The following POLR1C variants were observed in gnomAD, a reference collection of about 807,000 sequenced individuals.
POLR1C encodes the protein RNA polymerase I and III subunit C.
A neutral mutation model predicts 38.3 loss-of-function variants in POLR1C; 42 were observed. The ratio of observed to expected loss-of-function variants is 1.10; its 90% CI spans 0.86 to 1.42. The LOEUF is 1.42. Among genes scored for constraint, POLR1C ranks in the 40% most tolerant of loss-of-function variants. The probability of loss-of-function intolerance (pLI) is 0.00; values close to 1 mark genes in which losing one functional copy is unlikely to be tolerated. For synonymous variants in POLR1C, 163 were observed against 163.9 expected, an observed-to-expected ratio of 0.99 and a Z score of 0.04; for missense variants, 507 against 450.5, an observed-to-expected ratio of 1.13 and a Z score of -1.14.
At chr6:43,526,337 A>G (rs1475450831), downstream of POLR1C, 1 of 389,826 alleles carries the variant, frequency 2.6e-6, no homozygotes, top group African/African-American at 2.0e-5. Flanking sequence ...GGGTAGTGAC[A>G]ACTGCTATGA....
intron 9 of POLR1C, among the ~76,000 whole-genome samples, chr6:43,542,079 G>T: frequency 6.6e-6 from 1 of 152,098 alleles, no homozygotes; most frequent in Non-Finnish European, 1.5e-5. Context: ...CACCGCACCC[G>T]GCCGATTTTA....
intron 9 of POLR1C, among the ~76,000 whole-genome samples, chr6:43,535,853 T>A (rs901244893): frequency 6.9e-6 from 1 of 145,748 alleles, no homozygotes; most frequent in African/African-American, 2.6e-5. Flanking sequence ...CCGGGCGCAG[T>A]GGCTCACGCC....
At chr6:43,543,170 A>G (rs1196068569) in intron 9 of POLR1C, among the ~76,000 whole-genome samples, 1 of 152,208 alleles carries the variant, frequency 6.6e-6, no homozygotes, top group Admixed American at 6.5e-5. Context: ...AAAATGTTAA[A>G]AGTCAGAATA....
Position 43,521,426 on chromosome 6 carries a change from A to T in POLR1C, c.*126A>T. The T allele has an allele frequency of 6.4e-7, 1 of 1,567,530 alleles. No homozygotes were observed. The highest frequency in any genetic ancestry group is 2.3e-5 in the East Asian group (1 of 43,578). On this transcript the variant is annotated 3_prime_UTR_variant, in exon 9 of 9. Transcript: ENST00000642195. ...TTCTGGGACAATTCCAGCTTTAATC[A>T]ATACATTTTGTTAAATGTGCCATAA...
chr6:43,520,333 G>A lies in POLR1C; in HGVS notation c.561G>A (p.Glu187=), dbSNP rs145813943. Residue 187 remains glutamate (E), a synonymous_variant, in exon 6 of 9, where the codon GAG becomes GAA. Coordinates refer to ENST00000642195, the MANE Select transcript of POLR1C (RefSeq NM_203290.4). ...GGAACCAGGCTGATCTCTTTCCAGA[G>A]GGCACTATCCGACCAGTGCATGATG... ...PLGNQADLFP[E]GTIRPVHDDI... The A allele has an allele frequency of 8.2e-5, 132 of 1,613,398 alleles. No homozygotes were observed. The African/African-American group carries it at 1.6e-3, about 20-fold the overall frequency.
intron 9 of POLR1C, among the ~76,000 whole-genome samples, chr6:43,538,368 C>T (rs1794483152): frequency 6.6e-6 from 1 of 151,814 alleles, no homozygotes. Flanking sequence ...CCAGGTTGGT[C>T]TCAAACTCTT....
intron 10 of POLR1C, among the ~76,000 whole-genome samples, chr6:43,552,361 CTTTTT>C (rs950632028): frequency 1.3e-5 from 2 of 150,986 alleles, no homozygotes; most frequent in African/African-American, 4.9e-5. Flanking sequence ...CCACCCTTTT[CTTTTT>C]TTTTAAGACA....
chr6:43,523,732 G>T, downstream of POLR1C: 1 of 1,423,738 alleles, frequency 7.0e-7, no homozygotes, highest in Non-Finnish European at 9.9e-7. Context: ...GTTCTCTCCA[G>T]CTCCAGACCT....
intron 8 of POLR1C, chr6:43,528,193 T>G: frequency 2.5e-6 from 4 of 1,593,792 alleles, no homozygotes; most frequent in Non-Finnish European, 2.6e-6. Context: ...ACTTGCCATT[T>G]CTGAGAAAGC....
At chr6:43,539,806 T>A (rs1794590387) in intron 9 of POLR1C, 1 of 550,004 alleles carries the variant, frequency 1.8e-6, no homozygotes, top group South Asian at 2.7e-5. Flanking sequence ...AACTCCCATG[T>A]AAAATCATTT....
intron 8 of POLR1C, chr6:43,528,070 G>A: frequency 7.5e-7 from 1 of 1,327,762 alleles, no homozygotes; most frequent in Non-Finnish European, 1.1e-6. Flanking sequence ...TTCTACCCTG[G>A]GACAGCAGAA....
At chr6:43,547,548 A>C in intron 9 of POLR1C, 2 of 1,520,838 alleles carry the variant, frequency 1.3e-6, no homozygotes, top group Non-Finnish European at 1.8e-6. Context: ...ACTTGACAAA[A>C]GACAACACCC....
chr6:43,534,241 C>T (rs7751812), downstream of POLR1C, among the ~76,000 whole-genome samples: 1,696 of 152,226 alleles, frequency 0.011, 22 homozygotes, highest in African/African-American at 0.037. Context: ...GAGAACTAAA[C>T]CCCAAGACAC....
At chr6:43,525,317 C>T, downstream of POLR1C, 3 of 1,114,786 alleles carry the variant, frequency 2.7e-6, no homozygotes, top group Non-Finnish European at 3.8e-6. Context: ...TTTCCTCCCC[C>T]CCTCTAAAGA....
In POLR1C at chr6:43,548,498, G is replaced by A. The variant is rs542783156; in HGVS notation, c.*5-2470G>A. 3.4e-6 allele frequency: 5 copies of A among 1,460,762 alleles called. No homozygotes were observed. In the South Asian group the frequency reaches 5.9e-5, roughly 17 times the overall value. 90.5% of individuals were successfully genotyped at this position (1,460,762 alleles called of 1,614,324 possible). A position where few individuals can be genotyped will look rare whatever the true frequency, so the allele number is the denominator to read the frequency against. On this transcript the variant is annotated intron_variant, in intron 9 of 10. Coordinates refer to the POLR1C transcript ENST00000607635. ...AAGAAAAAAAGCCAGAGGTGGTAAA[G>A]GTCTGATTTTCAAGGAGAGGTGGCT...
At chr6:43,562,032 C>T (rs1054436873) in exon 11 of POLR1C, 7 of 406,272 alleles carry the variant, frequency 1.7e-5, no homozygotes, top group African/African-American at 4.1e-5. Context: ...GGATATCTGA[C>T]GTTGGTATAA....
rs1160662301 is a variant in POLR1C at position 43,538,139 on chromosome 6, CTTTTTTTTTTTTTTTTTT to C, written c.*4+8791_*4+8808del. On this transcript the variant is annotated intron_variant, in intron 9 of 10. Transcript: ENST00000607635. ...TATAAATTTAGAGCCTAAGAGACAT[CTTTTTTTTTTTTTTTTTT>C]TTTTTTTTTTGAAACAGAGATTTGC... 3.7e-4 allele frequency among the ~76,000 whole-genome samples: 18 copies of C among 48,942 alleles called. 1 individual carries two copies. The highest frequency in any genetic ancestry group is 0.029 in the Middle Eastern group (1 of 34). The allele number at this position is 48,942 out of a possible 152,430, so 32.1% of individuals were successfully genotyped here. A position where few individuals can be genotyped will look rare whatever the true frequency, so the allele number is the denominator to read the frequency against.
downstream of POLR1C, chr6:43,530,755 G>T: frequency 6.2e-7 from 1 of 1,613,900 alleles, no homozygotes; most frequent in Non-Finnish European, 8.5e-7. Context: ...TGAGAAGCTG[G>T]GTAGCAAGGT....
chr6:43,548,194 G>A, intron 9 of POLR1C: 1 of 1,462,730 alleles, frequency 6.8e-7, no homozygotes, highest in South Asian at 1.5e-5. Context: ...CCCCACCCTG[G>A]GCCTAGCTCT....
Sources: allele counts gnomAD v4.1 joint callset (sites outside exome capture counted in the v4.1 genomes callset), GRCh38; gene constraint gnomAD v4.1.1; transcripts MANE v1.5; gene names NCBI Gene and HGNC (gene_info 2026-07-23, HGNC 2026-07-21).